Variants in SLC17A5 observed in about 807,000 individuals in gnomAD.
SLC17A5 encodes the protein sialin.
In SLC17A5, 47 loss-of-function variants were observed where a neutral mutation model predicts 59.4. The ratio of observed to expected loss-of-function variants is 0.79; its 90% confidence interval spans 0.63 to 1.01. The LOEUF is 1.01. SLC17A5 is among the 50% of genes least tolerant of loss of function. SLC17A5 has a pLI of 0.00. For synonymous variants in SLC17A5, 202 were observed against 210.7 expected, an observed-to-expected ratio of 0.96 and a Z score of 0.36; for missense variants, 522 against 595.5, an observed-to-expected ratio of 0.88 and a Z score of 1.28.
rs770266444 is a variant in SLC17A5 at position 73,595,137 on chromosome 6, T to C, written c.1428A>G (p.Leu476=). Residue 476 remains leucine (L), a synonymous_variant, in exon 11 of 11, where the codon CTA becomes CTG. Transcript: ENST00000355773. ...INVFGAIFFT[L]FAKGEVQNWA... ...AGTTTTGTACTTCACCTTTGGCGAATAGTGTAAAGAAAATGGCACCAAAAA... is the reference window on the plus strand; with the variant it reads ...AGTTTTGTACTTCACCTTTGGCGAACAGTGTAAAGAAAATGGCACCAAAAA... 3.7e-6 allele frequency: 6 copies of C among 1,614,126 alleles called. No homozygotes were observed. The East Asian group carries it at 6.7e-5, about 18-fold the overall frequency.
At chr6:73,644,708 G>T in intron 1 of SLC17A5, 105 bp from the exon 2 acceptor site, 1 of 1,066,308 alleles carries the variant, frequency 9.4e-7, no homozygotes, top group Non-Finnish European at 1.4e-6. Context: ...CTGGGCTCAA[G>T]CCATCCACCC....
chr6:73,652,987 C>G (rs1581996902), intron 1 of SLC17A5: 2 of 943,454 alleles, frequency 2.1e-6, no homozygotes, highest in Non-Finnish European at 2.5e-6. Flanking sequence ...TTAATTTTCT[C>G]AAATTCAGGG....
chr6:73,603,137 A>G lies in SLC17A5; in HGVS notation c.1260-2696T>C, dbSNP rs192872898. On this transcript the variant is annotated intron_variant, in intron 9 of 10. Transcript: ENST00000355773. ...AACATAAAATTTGCTTGTTCCATTA[A>G]TTACATTTTTTTTTTTGAGACGGAG... is the stretch of plus-strand genomic sequence containing the variant. 2.6e-5 allele frequency among the ~76,000 whole-genome samples: 4 copies of G among 151,972 alleles called. No individual in the cohort carries two copies. In the East Asian group the frequency reaches 7.7e-4, roughly 29 times the overall value.
intron 9 of SLC17A5, among the ~76,000 whole-genome samples, chr6:73,603,053 CTATT>C (rs2150079988): frequency 6.6e-6 from 1 of 152,148 alleles, no homozygotes; most frequent in South Asian, 2.1e-4. Context: ...CATAAATATC[CTATT>C]TTTTTCTGTC....
intron 6 of SLC17A5, among the ~76,000 whole-genome samples, chr6:73,625,483 T>C (rs1768367932): frequency 6.6e-6 from 1 of 152,054 alleles, no homozygotes; most frequent in Admixed American, 6.6e-5. Context: ...CAGTGAGCCA[T>C]TGCGCTTGGT....
At chr6:73,624,839 C>T (rs1768330613) in intron 6 of SLC17A5, among the ~76,000 whole-genome samples, 1 of 152,028 alleles carries the variant, frequency 6.6e-6, no homozygotes, top group African/African-American at 2.4e-5. Flanking sequence ...CATCACTGCA[C>T]TCCAGCTTGG....
chr6:73,594,987 CAT>C lies in SLC17A5; in HGVS notation c.*88_*89del, dbSNP rs1404974108. Reference sequence around the variant, plus strand: ...TAATACAAGTACAATTAAAAAAAGACATAGAATGCTTACACAATACAGAAGGC... The same window carrying C: ...TAATACAAGTACAATTAAAAAAAGACAGAATGCTTACACAATACAGAAGGC... On this transcript the variant is annotated 3_prime_UTR_variant, in exon 11 of 11. Transcript: ENST00000355773. 3.6e-6 allele frequency: 5 copies of C among 1,378,046 alleles called. No individual in the cohort carries two copies. The highest frequency in any genetic ancestry group is 5.2e-6 in the Non-Finnish European group (5 of 969,720). 85.4% of individuals were successfully genotyped at this position (1,378,046 alleles called of 1,614,324 possible).
intron 6 of SLC17A5, among the ~76,000 whole-genome samples, chr6:73,623,434 C>A (rs750140206): frequency 1.1e-4 from 16 of 151,904 alleles, no homozygotes; most frequent in Non-Finnish European, 1.8e-4. Flanking sequence ...CTCCCGGGTT[C>A]AAGCAATCTC....
rs1766668838 is a variant in SLC17A5, at chr6:73,593,611, A to T, written c.*1466T>A. The T allele has an allele frequency of 6.6e-6, 1 of 152,226 alleles. No homozygotes were observed. Among genetic ancestry groups the T allele is most frequent in the Non-Finnish European group, 1.5e-5 (1 of 68,040 alleles). The allele number at this position is 152,226 out of a possible 1,614,324, so 9.4% of individuals were successfully genotyped here. On this transcript the variant is annotated 3_prime_UTR_variant, in exon 11 of 11. Coordinates refer to ENST00000355773, the MANE Select transcript of SLC17A5 (RefSeq NM_012434.5). ...CCACTGGAGGATGGTCCACTGGAAA[A>T]ATATGATTTCAGGAACCAGAAGTAA...
chr6:73,644,306 A>T lies in SLC17A5; in HGVS notation c.291+101T>A, dbSNP rs1581990026. The T allele has an allele frequency of 6.2e-6, 6 of 961,006 alleles. No individual in the cohort carries two copies. The East Asian group carries it at 1.6e-4, about 25-fold the overall frequency. The allele number at this position is 961,006 out of a possible 1,614,324, so 59.5% of individuals were successfully genotyped here. The stretch of plus-strand genomic sequence containing the variant: ...AGAAAGTGATTCAGAGTATACACAA[A>T]CAAAGTATAGTTTCTGTAGGATGAA... On this transcript the variant is annotated intron_variant, in intron 2 of 10. Coordinates refer to ENST00000355773, the MANE Select transcript of SLC17A5 (RefSeq NM_012434.5).
intron 5 of SLC17A5, 22 bp from the exon 6 acceptor site, chr6:73,635,522 T>C: frequency 8.8e-7 from 1 of 1,133,640 alleles, no homozygotes. Context: ...AAAATAATAG[T>C]TAGATAAAAT....
At chr6:73,617,654 G>GT (rs1004451507) in intron 7 of SLC17A5, among the ~76,000 whole-genome samples, 9 of 152,112 alleles carry the variant, frequency 5.9e-5, no homozygotes, top group African/African-American at 2.2e-4. Flanking sequence ...GACCAGCTTG[G>GT]TGAACATGGT....
rs966881743 is a variant in SLC17A5 at position 73,609,307 on chromosome 6, G to A, written c.1259+1093C>T. Reference sequence around the variant, plus strand: ...GAGGTAGCTGTAGAAAGAATTTTGGGCTTAAAAGTAAAAATTTTAGGTTCA... The same window carrying A: ...GAGGTAGCTGTAGAAAGAATTTTGGACTTAAAAGTAAAAATTTTAGGTTCA... On this transcript the variant is annotated intron_variant, in intron 9 of 10. Coordinates refer to ENST00000355773, the MANE Select transcript of SLC17A5 (RefSeq NM_012434.5). Among the ~76,000 whole-genome samples, 6 of 152,254 alleles carry A rather than the reference G, an allele frequency of 3.9e-5. No homozygotes were observed. The South Asian group carries it at 1.2e-3, about 32-fold the overall frequency.
chr6:73,620,029 T>G (rs1292597030), intron 7 of SLC17A5, among the ~76,000 whole-genome samples: 1 of 151,582 alleles, frequency 6.6e-6, no homozygotes, highest in Non-Finnish European at 1.5e-5. Flanking sequence ...GTTCCAGTGA[T>G]TCTCCTGCTT....
chr6:73,638,617 G>C (rs1037229393), intron 3 of SLC17A5, 118 bp from the exon 4 acceptor site: 1 of 804,066 alleles, frequency 1.2e-6, no homozygotes, highest in South Asian at 1.5e-5. Context: ...AACGAATCAG[G>C]TTCCATGAAA....
At chr6:73,603,106 A>C (rs1483314866) in intron 9 of SLC17A5, among the ~76,000 whole-genome samples, 1 of 152,174 alleles carries the variant, frequency 6.6e-6, no homozygotes, top group Non-Finnish European at 1.5e-5. Context: ...ACGTGAGATC[A>C]TATCAAACAT....
intron 7 of SLC17A5, among the ~76,000 whole-genome samples, chr6:73,619,209 T>A (rs686317): frequency 0.16 from 24,620 of 152,062 alleles, 3,053 homozygotes; most frequent in African/African-American, 0.34. Flanking sequence ...CAACACTAAC[T>A]TCAAAGATCA....
At chr6:73,598,315 G>A (rs1766909020) in intron 10 of SLC17A5, among the ~76,000 whole-genome samples, 1 of 152,146 alleles carries the variant, frequency 6.6e-6, no homozygotes, top group African/African-American at 2.4e-5. Flanking sequence ...ATTCCACAAA[G>A]TTTTTGAGGC....
intron 3 of SLC17A5, among the ~76,000 whole-genome samples, chr6:73,639,656 C>T (rs1469204160): frequency 6.6e-6 from 1 of 152,142 alleles, no homozygotes; most frequent in Non-Finnish European, 1.5e-5. Flanking sequence ...AGATAGTAAT[C>T]TAAGTGTCCT....
Sources: gnomAD v4.1 joint callset for allele counts (sites outside exome capture counted in the v4.1 genomes callset) on GRCh38, gnomAD v4.1.1 for gene constraint, MANE v1.5 for transcripts, NCBI Gene and HGNC (gene_info 2026-07-23, HGNC 2026-07-21) for gene names.